UPF1: variants seen among roughly 807,000 people sequenced by gnomAD.
The protein encoded by UPF1 is UPF1 RNA helicase and ATPase, also known as regulator of nonsense transcripts 1.
In UPF1, 9 loss-of-function variants were observed where a neutral mutation model predicts 129.2. The ratio of observed to expected loss-of-function variants is 0.07; its 90% confidence interval spans 0.04 to 0.12. The LOEUF (loss-of-function observed/expected upper bound fraction) is 0.12. Ranked by LOEUF, UPF1 falls within the 10% of genes least tolerant of loss-of-function variation. UPF1 has a pLI of 1.00. For synonymous variants in UPF1, 649 were observed against 644.9 expected, an observed-to-expected ratio of 1.01 and a Z score of -0.10; for missense variants, 788 against 1,525.3, an observed-to-expected ratio of 0.52 and a Z score of 8.05.
chr19:18,864,110 C>T (rs556478038), intron 19 of UPF1, 60 bp from the exon 20 acceptor site: 72 of 1,500,308 alleles, frequency 4.8e-5, no homozygotes, highest in African/African-American at 4.4e-4. Context: ...CCACCGGGCC[C>T]GTGGGAAGTT....
intron 1 of UPF1, among the ~76,000 whole-genome samples, chr19:18,838,927 G>A (rs779895286): frequency 7.9e-5 from 12 of 151,880 alleles, no homozygotes; most frequent in East Asian, 1.9e-4. Flanking sequence ...TTAATTACCC[G>A]GATTCAGGAT....
intron 1 of UPF1, among the ~76,000 whole-genome samples, chr19:18,842,554 T>C (rs1485760992): frequency 6.6e-6 from 1 of 152,126 alleles, no homozygotes; most frequent in Non-Finnish European, 1.5e-5. Context: ...CAGGGCAGAA[T>C]CCTTCCAGTT....
chr19:18,860,005 G>A, intron 15 of UPF1: 1 of 284,926 alleles, frequency 3.5e-6, no homozygotes, highest in Non-Finnish European at 6.6e-6. Flanking sequence ...GGAAGCAGGA[G>A]AATATCCTGT....
At chr19:18,862,267 C>A in intron 18 of UPF1, 115 bp downstream of exon 18, 1 of 1,467,378 alleles carries the variant, frequency 6.8e-7, no homozygotes, top group Non-Finnish European at 9.1e-7. Flanking sequence ...CTCTGAGCAG[C>A]AGTTGAGAAA....
Position 18,856,448 on chromosome 19 carries a change from C to T in UPF1, c.1824+148C>T, listed in dbSNP as rs188440525. 54 of 763,360 alleles carry T rather than the reference C, an allele frequency of 7.1e-5. No homozygotes were observed. The Admixed American group carries it at 7.5e-4, about 11-fold the overall frequency. 47.3% of individuals were successfully genotyped at this position (763,360 alleles called of 1,614,324 possible). A position where few individuals can be genotyped will look rare whatever the true frequency, so the allele number is the denominator to read the frequency against. ...CTTGGCCTCTCTGCGCTCAGTTGTA[C>T]AGTAAATTAGGGACATCTCGCTGCC... On this transcript the variant is annotated intron_variant, in intron 13 of 23. Transcript: ENST00000262803.
Position 18,866,149 on chromosome 19 carries a change from C to G in UPF1, c.3343C>G (p.Leu1115Val). 6.2e-7 allele frequency: 1 copy of G among 1,605,794 alleles called. No homozygotes were observed. The highest frequency in any genetic ancestry group is 8.5e-7 in the Non-Finnish European group (1 of 1,176,198). Residue 1115 changes from leucine (L) to valine (V), a missense_variant, in exon 23 of 24, where the codon CTG (leucine) becomes GTG (valine). Leu to Val is a conservative substitution (Grantham distance 32). Transcript: ENST00000262803. Reference sequence around the variant, plus strand: ...TTACCAGCATGGCGGGGTGACGGGGCTGTCCCAGTATTAAAAGGCAAGCCC... The same window carrying G: ...TTACCAGCATGGCGGGGTGACGGGGGTGTCCCAGTATTAAAAGGCAAGCCC... ...RAYQHGGVTG[L>V]SQY
chr19:18,845,932 G>C (rs766086021), intron 1 of UPF1, 48 bp from the exon 2 acceptor site: 7 of 1,605,734 alleles, frequency 4.4e-6, no homozygotes, highest in Non-Finnish European at 5.9e-6. Flanking sequence ...TCTGCACTGA[G>C]TCCTGGAAGC....
chr19:18,853,598 G>A lies in UPF1; in HGVS notation c.1156+248G>A, dbSNP rs949547793. 3.3e-5 allele frequency among the ~76,000 whole-genome samples: 5 copies of A among 152,172 alleles called. No individual in the cohort carries two copies. The highest frequency in any genetic ancestry group is 7.2e-5 in the African/African-American group (3 of 41,434). ...ATGTTGGTGATGCCACTTGTGTGGC[G>A]CGTCCCTGGGCTGACTCTGGAAGTT... On this transcript the variant is annotated intron_variant, in intron 8 of 23. Coordinates refer to ENST00000262803, the MANE Select transcript of UPF1 (RefSeq NM_002911.4). This position sits in a 1 kb window ranked among gnomAD's most constrained non-coding sequence, Gnocchi z 4.4.
Position 18,832,920 on chromosome 19 carries a change from C to T in UPF1, c.231+480C>T, listed in dbSNP as rs933483627. On this transcript the variant is annotated intron_variant, in intron 1 of 23. Coordinates refer to ENST00000262803, the MANE Select transcript of UPF1 (RefSeq NM_002911.4). The surrounding 1 kb of genome is among the most constrained non-coding windows in gnomAD (Gnocchi z 5.6). ...GGGTGACCTGCCCTGGTCCCTCTTTCGCAGGTCTCGGTATTCTGCCTCGAG... is the reference window on the plus strand; with the variant it reads ...GGGTGACCTGCCCTGGTCCCTCTTTTGCAGGTCTCGGTATTCTGCCTCGAG... Among the ~76,000 whole-genome samples the T allele has an allele frequency of 1.3e-5, 2 of 152,152 alleles. No homozygotes were observed. Among genetic ancestry groups the T allele is most frequent in the African/African-American group, 4.8e-5 (2 of 41,416 alleles).
chr19:18,863,740 T>G, intron 19 of UPF1, 128 bp downstream of exon 19: 5 of 1,136,922 alleles, frequency 4.4e-6, no homozygotes, highest in Non-Finnish European at 6.0e-6. Flanking sequence ...GGGTGGGCTC[T>G]CCTAGGGGAG....
chr19:18,836,783 T>C (rs1225973155), intron 1 of UPF1, among the ~76,000 whole-genome samples: 26 of 146,612 alleles, frequency 1.8e-4, no homozygotes, highest in African/African-American at 6.6e-4. Flanking sequence ...AGACGGAGTC[T>C]CGCTCTGTTG....
At position 18,832,698 on chromosome 19, in the gene UPF1, A is replaced by G. The variant is rs2055441379; in HGVS notation, c.231+258A>G. The stretch of plus-strand genomic sequence containing the variant: ...ACCTGGCTGAGTTCCTTCGGCCCCC[A>G]ACTCCTGGGCCGGGCAGACTTGCCT... On this transcript the variant is annotated intron_variant, in intron 1 of 23. Transcript: ENST00000262803. The surrounding 1 kb of genome is among the most constrained non-coding windows in gnomAD (Gnocchi z 5.6). 6.6e-6 allele frequency among the ~76,000 whole-genome samples: 1 copy of G among 151,958 alleles called. No individual in the cohort carries two copies. Among genetic ancestry groups the G allele is most frequent in the African/African-American group, 2.4e-5 (1 of 41,358 alleles).
intron 1 of UPF1, among the ~76,000 whole-genome samples, chr19:18,835,325 G>A (rs2055472258): frequency 6.6e-6 from 1 of 152,108 alleles, no homozygotes; most frequent in African/African-American, 2.4e-5. Context: ...TCCACGCTGT[G>A]GTATGTGTCA....
chr19:18,855,450 G>A, intron 11 of UPF1: 1 of 641,636 alleles, frequency 1.6e-6, no homozygotes, highest in Non-Finnish European at 2.6e-6. Context: ...GTCTGCTACT[G>A]GTTTAGAAAA....
chr19:18,833,884 C>T (rs1349399985), intron 1 of UPF1, among the ~76,000 whole-genome samples: 1 of 152,130 alleles, frequency 6.6e-6, no homozygotes, highest in African/African-American at 2.4e-5. Context: ...TTTCTTTTAG[C>T]CCCTAATGGA....
Position 18,850,319 on chromosome 19 carries a change from G to T in UPF1, c.629+77G>T. On this transcript the variant is annotated intron_variant, in intron 4 of 23. Transcript: ENST00000262803. This position sits in a 1 kb window ranked among gnomAD's most constrained non-coding sequence, Gnocchi z 7.1. The stretch of plus-strand genomic sequence containing the variant: ...TCCTCACAAGCCTTGGCCCAGCCCA[G>T]CCCAGCCGTGGCTCTAACTCCAGGG... The T allele has an allele frequency of 6.7e-7, 1 of 1,500,372 alleles. No individual in the cohort carries two copies. Among genetic ancestry groups the T allele is most frequent in the Non-Finnish European group, 8.9e-7 (1 of 1,125,854 alleles). 92.9% of individuals were successfully genotyped at this position (1,500,372 alleles called of 1,614,324 possible).
Position 18,866,062 on chromosome 19 carries a change from G to C in UPF1, c.3256G>C (p.Glu1086Gln). Residue 1086 changes from glutamate (E) to glutamine (Q), a missense_variant, in exon 23 of 24, where the codon GAG (glutamate) becomes CAG (glutamine). Around this residue, in one of 6 missense-constraint regions of UPF1, gnomAD observed 218 missense variants for 318.1 expected, o/e 0.69. Coordinates refer to ENST00000262803, the MANE Select transcript of UPF1 (RefSeq NM_002911.4). ...ELSQDSYLGD[E>Q]FKSQIDVALS... is the part of the protein sequence containing the mutation. ...CTTTCAGGACAGTTACCTTGGTGACGAGTTTAAATCACAAATCGACGTGGC... is the reference window on the plus strand; with the variant it reads ...CTTTCAGGACAGTTACCTTGGTGACCAGTTTAAATCACAAATCGACGTGGC... The C allele has an allele frequency of 6.2e-7, 1 of 1,613,620 alleles. No individual in the cohort carries two copies. The highest frequency in any genetic ancestry group is 8.5e-7 in the Non-Finnish European group (1 of 1,179,964).
rs367878096 is a variant in UPF1, at chr19:18,850,738, C to T, written c.680C>T (p.Ser227Leu). The change falls in exon 5 of 24, where the codon TCG becomes TTG. Residue 227 changes from serine to leucine, a missense_variant. Around this residue, in one of 6 missense-constraint regions of UPF1, gnomAD observed 227 missense variants for 517.9 expected, o/e 0.44. Transcript: ENST00000262803. The surrounding 1 kb of genome is among the most constrained non-coding windows in gnomAD (Gnocchi z 7.1). ...SSLKDINWDS[S>L]QWQPLIQDRC... ...CTCAAGGACATCAACTGGGACAGCT[C>T]GCAGTGGCAGCCGCTGATCCAGGAC... 7.4e-6 allele frequency: 12 copies of T among 1,611,302 alleles called. No individual in the cohort carries two copies. Among genetic ancestry groups the T allele is most frequent in the African/African-American group, 5.3e-5 (4 of 74,882 alleles).
At chr19:18,859,701 C>T (rs574066832) in intron 15 of UPF1, 2 of 152,476 alleles carry the variant, frequency 1.3e-5, no homozygotes, top group African/African-American at 4.8e-5. Flanking sequence ...AGGAGGGCAC[C>T]TGTGAATTGA....
Sources: gnomAD v4.1 joint callset for allele counts (sites outside exome capture counted in the v4.1 genomes callset) on GRCh38, gnomAD v4.1.1 for gene constraint, gnomAD v4.1.1 regional missense constraint, Gnocchi (gnomAD v3.1) non-coding constraint, MANE v1.5 for transcripts, NCBI Gene and HGNC (gene_info 2026-07-23, HGNC 2026-07-21) for gene names.